The following CD33 variants were observed in gnomAD, a reference collection of about 807,000 sequenced individuals.
CD33 encodes CD33 molecule, also known as myeloid cell surface antigen CD33.
Under a neutral mutation model 31.4 loss-of-function variants are expected in CD33, and 25 were observed. That is an observed-to-expected ratio of 0.80 (90% CI 0.58 to 1.11). The LOEUF (loss-of-function observed/expected upper bound fraction) is 1.11. Ranked by LOEUF, CD33 falls within the 50% of genes most tolerant of loss-of-function variation. The pLI, the probability that CD33 is intolerant of heterozygous loss-of-function variation, is 0.00. For missense variants in CD33, 407 were observed against 448.1 expected, an observed-to-expected ratio of 0.91 and a Z score of 0.83; for synonymous variants, 176 against 180.6, an observed-to-expected ratio of 0.97 and a Z score of 0.20.
At chr19:51,219,808 T>C in the CD33 span, among the ~76,000 whole-genome samples, 1 of 152,258 alleles carries the variant, frequency 6.6e-6, no homozygotes, top group East Asian at 1.9e-4. Context: ...TTTAATTCTG[T>C]CAATGTGATG....
chr19:51,235,356 G>A, intron 5 of CD33, 103 bp downstream of exon 5: 6 of 1,257,204 alleles, frequency 4.8e-6, no homozygotes, highest in Non-Finnish European at 6.8e-6. Flanking sequence ...AGGGCAGGGG[G>A]TGTGATGATG....
rs1306233974 is a variant in CD33 at position 51,226,018 on chromosome 19, TG to T, written c.635del (p.Cys212PhefsTer3). 1 of 1,614,056 alleles carries T rather than the reference TG, an allele frequency of 6.2e-7. No individual in the cohort carries two copies. Among genetic ancestry groups the T allele is most frequent in the Non-Finnish European group, 8.5e-7 (1 of 1,179,952 alleles). On this transcript the variant is annotated frameshift_variant, in exon 3 of 7. Transcript: ENST00000262262. LOFTEE classifies it high-confidence loss of function. ...RPQDHGTNLT[C>X]QVKFAGAGVT... ...CCAGGACCACGGCACCAACCTGACC[TG>T]TCAGGTGAAGTTCGCTGGAGCTGGT...
chr19:51,218,358 A>G, the CD33 span, among the ~76,000 whole-genome samples: 1 of 152,142 alleles, frequency 6.6e-6, no homozygotes, highest in African/African-American at 2.4e-5. Context: ...TCTTTTGCCC[A>G]CTATTTAATG....
chr19:51,216,374 G>T, the CD33 span, among the ~76,000 whole-genome samples: 1 of 152,050 alleles, frequency 6.6e-6, no homozygotes, highest in Non-Finnish European at 1.5e-5. Context: ...GTAGGTGCCA[G>T]GGGTTCACTG....
chr19:51,216,720 A>C, the CD33 span, among the ~76,000 whole-genome samples: 1 of 152,156 alleles, frequency 6.6e-6, no homozygotes, highest in Admixed American at 6.5e-5. Flanking sequence ...AAAAGGAATA[A>C]GCAATAGAAA....
chr19:51,217,266 GA>G, the CD33 span, among the ~76,000 whole-genome samples: 1 of 152,176 alleles, frequency 6.6e-6, no homozygotes, highest in Admixed American at 6.5e-5. Context: ...GATGTATTTG[GA>G]AGGTCAAGCT....
chr19:51,212,145 C>G, the CD33 span: 2 of 484,918 alleles, frequency 4.1e-6, no homozygotes, highest in South Asian at 3.7e-5. Context: ...AGGACCAGGA[C>G]TGGGGCCACT....
At chr19:51,215,557 G>A in the CD33 span, among the ~76,000 whole-genome samples, 2 of 152,172 alleles carry the variant, frequency 1.3e-5, no homozygotes, top group Non-Finnish European at 2.9e-5. Flanking sequence ...TAATCTCTCA[G>A]GTGAGTGTTG....
chr19:51,217,357 C>G, the CD33 span, among the ~76,000 whole-genome samples: 453 of 152,096 alleles, frequency 3.0e-3, no homozygotes, highest in African/African-American at 0.01. Flanking sequence ...CTGAACATCT[C>G]ACTCTTTCGA....
At chr19:51,233,386 T>C (rs1331548971) in intron 4 of CD33, among the ~76,000 whole-genome samples, 4 of 152,238 alleles carry the variant, frequency 2.6e-5, no homozygotes, top group Admixed American at 2.0e-4. Flanking sequence ...GTTTCTCTGC[T>C]GTTCAGGGCC....
chr19:51,231,393 T>G (rs1188208019), intron 4 of CD33, among the ~76,000 whole-genome samples: 1 of 152,268 alleles, frequency 6.6e-6, no homozygotes, highest in Non-Finnish European at 1.5e-5. Context: ...CACGGCCTAG[T>G]GTTGGATCTG....
chr19:51,215,478 G>A, the CD33 span, among the ~76,000 whole-genome samples: 3 of 152,166 alleles, frequency 2.0e-5, no homozygotes, highest in East Asian at 5.8e-4. Flanking sequence ...TTCACTCAGT[G>A]TGAGGTCCTG....
In CD33 at chr19:51,239,912, T is replaced by C. The variant is rs1001232835; in HGVS notation, c.*224T>C. ...AAGTGTATGATGTCACACAAGCTCC[T>C]TAACCTTCCATGTCTCCATTTTCTT... On this transcript the variant is annotated 3_prime_UTR_variant, in exon 7 of 7. Transcript: ENST00000262262. The C allele has an allele frequency of 7.8e-6, 3 of 382,872 alleles. No individual in the cohort carries two copies. The highest frequency in any genetic ancestry group is 2.1e-5 in the African/African-American group (1 of 48,050). The allele number at this position is 382,872 out of a possible 1,614,324, so 23.7% of individuals were successfully genotyped here. A position where few individuals can be genotyped will look rare whatever the true frequency, so the allele number is the denominator to read the frequency against.
At chr19:51,233,837 T>C (rs1227791836) in intron 4 of CD33, among the ~76,000 whole-genome samples, 1 of 152,154 alleles carries the variant, frequency 6.6e-6, no homozygotes, top group Admixed American at 6.5e-5. Context: ...AAAGCCCGGG[T>C]GCCTCCATGC....
intron 4 of CD33, among the ~76,000 whole-genome samples, chr19:51,230,844 T>G (rs1438346388): frequency 6.6e-6 from 1 of 152,184 alleles, no homozygotes; most frequent in Non-Finnish European, 1.5e-5. Context: ...AAAAGAGTCT[T>G]GGAACATGTC....
the CD33 span, among the ~76,000 whole-genome samples, chr19:51,217,866 C>T: frequency 1.3e-5 from 2 of 152,326 alleles, no homozygotes; most frequent in Non-Finnish European, 2.9e-5. Context: ...CTTGAAAAGA[C>T]ATGATTTCAT....
chr19:51,219,935 T>G, the CD33 span, among the ~76,000 whole-genome samples: 1 of 152,210 alleles, frequency 6.6e-6, no homozygotes, highest in Non-Finnish European at 1.5e-5. Context: ...GCTAGTATTT[T>G]GTTGAGGATT....
At chr19:51,222,689 G>A (rs1157824832), upstream of CD33, among the ~76,000 whole-genome samples, 1 of 152,148 alleles carries the variant, frequency 6.6e-6, no homozygotes, top group Non-Finnish European at 1.5e-5. Flanking sequence ...TGGTTGCCCA[G>A]CATAGAAGGT....
chr19:51,230,782 T>C (rs1178631937), intron 4 of CD33, among the ~76,000 whole-genome samples: 1 of 152,214 alleles, frequency 6.6e-6, no homozygotes, highest in Non-Finnish European at 1.5e-5. Context: ...AAGCAGTATA[T>C]AGCTGTGTTG....
Sources: allele counts gnomAD v4.1 joint callset (sites outside exome capture counted in the v4.1 genomes callset), GRCh38; gene constraint gnomAD v4.1.1; transcripts MANE v1.5; gene names NCBI Gene and HGNC (gene_info 2026-07-23, HGNC 2026-07-21).